The following KLRG1 variants were observed in gnomAD, a reference collection of about 807,000 sequenced individuals.
KLRG1 encodes killer cell lectin-like receptor subfamily G member 1.
A neutral mutation model predicts 21.8 loss-of-function variants in KLRG1; 16 were observed. The observed-to-expected ratio is 0.73, with a 90% confidence interval of 0.50 to 1.11. KLRG1 has a LOEUF of 1.11. KLRG1 is among the 50% of genes most tolerant of loss of function. The pLI, the probability that KLRG1 is intolerant of heterozygous loss-of-function variation, is 0.00. For missense variants in KLRG1, 173 were observed against 218.3 expected (o/e 0.79, Z 1.31); for synonymous variants, 69 against 75.9 (o/e 0.91, Z 0.47).
the KLRG1 span, among the ~76,000 whole-genome samples, chr12:9,213,850 A>T: frequency 6.6e-6 from 1 of 152,056 alleles, no homozygotes; most frequent in Non-Finnish European, 1.5e-5. Flanking sequence ...TACAATTTAA[A>T]ACATTTTTTG....
At chr12:9,192,616 C>G in the KLRG1 span, 1 of 1,614,070 alleles carries the variant, frequency 6.2e-7, no homozygotes, top group Non-Finnish European at 8.5e-7. Context: ...GTACCAGCCA[C>G]AGGCTCCAGG....
At chr12:9,196,420 G>A in the KLRG1 span, 3 of 1,612,558 alleles carry the variant, frequency 1.9e-6, no homozygotes, top group Non-Finnish European at 2.5e-6. Flanking sequence ...CACTGATCCT[G>A]TTTGCAGTGA....
chr12:9,151,281 A>T, the KLRG1 span, among the ~76,000 whole-genome samples: 2 of 152,174 alleles, frequency 1.3e-5, no homozygotes, highest in African/African-American at 4.8e-5. Flanking sequence ...TTGATTTATC[A>T]CTTCAAGTTT....
chr12:9,147,492 C>T, the KLRG1 span, among the ~76,000 whole-genome samples: 1 of 152,178 alleles, frequency 6.6e-6, no homozygotes, highest in Non-Finnish European at 1.5e-5. Flanking sequence ...TGTCCTGAAT[C>T]TTACTGGCTT....
the KLRG1 span, chr12:9,077,938 A>C: frequency 1.3e-6 from 2 of 1,548,184 alleles, no homozygotes; most frequent in Non-Finnish European, 1.8e-6. Flanking sequence ...GCTTCATATG[A>C]TGTGAGTTAG....
the KLRG1 span, chr12:9,058,093 A>G: frequency 2.0e-5 from 3 of 152,242 alleles, no homozygotes; most frequent in Non-Finnish European, 4.4e-5. Flanking sequence ...AATATTCAGG[A>G]AACAGGCGTA....
the KLRG1 span, among the ~76,000 whole-genome samples, chr12:9,083,274 A>C: frequency 6.6e-6 from 1 of 152,092 alleles, no homozygotes; most frequent in Non-Finnish European, 1.5e-5. Flanking sequence ...TAGCATTAGG[A>C]GATATAGCTA....
chr12:9,171,889 G>C, the KLRG1 span, among the ~76,000 whole-genome samples: 1 of 152,188 alleles, frequency 6.6e-6, no homozygotes, highest in Non-Finnish European at 1.5e-5. Flanking sequence ...AAGAGACAGG[G>C]AGAATGGAAC....
the KLRG1 span, chr12:9,113,645 C>T: frequency 1.7e-6 from 2 of 1,172,274 alleles, no homozygotes; most frequent in South Asian, 2.9e-5. Flanking sequence ...CAGTTCTACA[C>T]CAAGAGAAGA....
chr12:9,101,523 G>A, the KLRG1 span: 3 of 1,613,952 alleles, frequency 1.9e-6, no homozygotes. Flanking sequence ...GACTGTCTGA[G>A]TATGGCCACA....
the KLRG1 span, among the ~76,000 whole-genome samples, chr12:9,195,662 A>G: frequency 8.0e-6 from 1 of 125,292 alleles, no homozygotes; most frequent in South Asian, 2.5e-4. Context: ...CTATGTTACT[A>G]GGGCCGATCT....
the KLRG1 span, among the ~76,000 whole-genome samples, chr12:9,210,105 T>G: frequency 6.6e-6 from 1 of 152,138 alleles, no homozygotes; most frequent in Non-Finnish European, 1.5e-5. Flanking sequence ...TATATATGTA[T>G]GTACATCTTG....
the KLRG1 span, chr12:9,098,622 C>T: frequency 6.2e-7 from 1 of 1,605,240 alleles, no homozygotes; most frequent in Non-Finnish European, 8.5e-7. Flanking sequence ...ACGCCGAGAG[C>T]TCAGCATCAG....
At chr12:8,959,734 T>C (rs1946352935) in intron 1 of KLRG1, among the ~76,000 whole-genome samples, 2 of 152,224 alleles carry the variant, frequency 1.3e-5, no homozygotes. Flanking sequence ...CAGTTTTCAG[T>C]GTAGAGGACT....
intron 1 of KLRG1, among the ~76,000 whole-genome samples, chr12:8,967,582 CG>C (rs1192690003): frequency 2.4e-5 from 3 of 126,024 alleles, no homozygotes; most frequent in South Asian, 5.6e-4. Context: ...ATTAGCCAGG[CG>C]TGGTGGTGCA....
At chr12:9,027,728 CA>C in the KLRG1 span, 1 of 1,334,330 alleles carries the variant, frequency 7.5e-7, no homozygotes, top group Non-Finnish European at 1.1e-6. Flanking sequence ...CCACCACCTC[CA>C]AAATTGCTTC....
intron 1 of KLRG1, among the ~76,000 whole-genome samples, chr12:8,976,318 G>T (rs1490922527): frequency 6.6e-6 from 1 of 152,152 alleles, no homozygotes; most frequent in Admixed American, 6.5e-5. Flanking sequence ...GTAATTGAAA[G>T]AGATAGATAT....
chr12:8,992,168 A>T (rs1946990345), intron 1 of KLRG1, 38 bp from the exon 2 acceptor site: 2 of 1,532,094 alleles, frequency 1.3e-6, no homozygotes, highest in African/African-American at 1.4e-5. Flanking sequence ...TCAACCTGTC[A>T]TCTGACTCAG....
chr12:9,205,984 A>G, the KLRG1 span, among the ~76,000 whole-genome samples: 1 of 152,094 alleles, frequency 6.6e-6, no homozygotes, highest in Non-Finnish European at 1.5e-5. Flanking sequence ...CTCCAGGGCC[A>G]CTCTGAAATC....
Sources: allele counts gnomAD v4.1 joint callset (sites outside exome capture counted in the v4.1 genomes callset), GRCh38; gene constraint gnomAD v4.1.1; transcripts MANE v1.5; gene names NCBI Gene and HGNC (gene_info 2026-07-23, HGNC 2026-07-21).